The following SYNE2 variants were observed in gnomAD, a reference collection of about 807,000 sequenced individuals.
The protein encoded by SYNE2 is spectrin repeat containing nuclear envelope protein 2.
A neutral mutation model predicts 856.3 loss-of-function variants in SYNE2; 431 were observed. That is an observed-to-expected ratio of 0.50 (90% CI 0.47 to 0.55). SYNE2 has a LOEUF of 0.55. SYNE2 is among the 20% of genes least tolerant of loss of function. SYNE2 has a pLI of 0.00. For missense variants in SYNE2, 8,129 were observed against 8,023.2 expected, an observed-to-expected ratio of 1.01 and a Z score of -0.50; for synonymous variants, 2,923 against 2,872.3, an observed-to-expected ratio of 1.02 and a Z score of -0.56.
chr14:64,047,511 G>A (rs2097194912), intron 45 of SYNE2, among the ~76,000 whole-genome samples: 1 of 152,156 alleles, frequency 6.6e-6, no homozygotes. Context: ...AACTGTCTTT[G>A]GCATGGAGGT....
At chr14:63,829,454 C>T (rs750704384) in intron 1 of SYNE2, among the ~76,000 whole-genome samples, 11 of 151,890 alleles carry the variant, frequency 7.2e-5, no homozygotes, top group Non-Finnish European at 1.2e-4. Context: ...AAAAGTCTAG[C>T]GTTTCTTCTT....
intron 30 of SYNE2, among the ~76,000 whole-genome samples, chr14:64,004,928 G>T (rs2096784717): frequency 6.6e-6 from 1 of 152,218 alleles, no homozygotes; most frequent in East Asian, 1.9e-4. Context: ...GGAGGGGATT[G>T]CTATTGAACA....
chr14:64,019,902 A>C (rs1163013622), intron 34 of SYNE2, 90 bp from the exon 35 acceptor site: 8 of 874,266 alleles, frequency 9.2e-6, no homozygotes, highest in Non-Finnish European at 1.5e-5. Context: ...GGGCTCTCTC[A>C]GTTTCTATAT....
rs765451422 is a variant in SYNE2 at position 63,960,773 on chromosome 14, G to A, written c.788-752G>A. 5 of 763,880 alleles carry A rather than the reference G, an allele frequency of 6.5e-6. No homozygotes were observed. In the East Asian group the frequency reaches 9.7e-5, roughly 15 times the overall value. 47.3% of individuals were successfully genotyped at this position (763,880 alleles called of 1,614,324 possible). ...GTTCTGCACTTTACAGAATTTATAT[G>A]CCTGGCACAGTGTCTTGTGCCAGCT... On this transcript the variant is annotated intron_variant, in intron 8 of 115. Coordinates refer to ENST00000555002, the MANE Select transcript of SYNE2 (RefSeq NM_182914.3).
intron 96 of SYNE2, among the ~76,000 whole-genome samples, chr14:64,185,544 G>A (rs1322936775): frequency 1.0e-4 from 14 of 134,934 alleles, no homozygotes; most frequent in Non-Finnish European, 1.7e-4. Flanking sequence ...TTTTTGAGGT[G>A]GAGTCTCACT....
chr14:64,122,434 C>A lies in SYNE2; in HGVS notation c.13422+7C>A, dbSNP rs753025370. ...TCAGCTTGTGGAGCCTCAGGTCAGTCTGTATCTACATGGTGCAAATAGCCT... is the reference window on the plus strand; with the variant it reads ...TCAGCTTGTGGAGCCTCAGGTCAGTATGTATCTACATGGTGCAAATAGCCT... On this transcript the variant is annotated splice_region_variant and intron_variant, in intron 70 of 115. Coordinates refer to ENST00000555002, the MANE Select transcript of SYNE2 (RefSeq NM_182914.3). 5 of 1,614,176 alleles carry A rather than the reference C, an allele frequency of 3.1e-6. No homozygotes were observed. The highest frequency in any genetic ancestry group is 4.2e-6 in the Non-Finnish European group (5 of 1,180,030).
In SYNE2 at chr14:63,865,714, A is replaced by G. The variant is rs58432462; in HGVS notation, c.-52+12571A>G. 1.1e-3 allele frequency among the ~76,000 whole-genome samples: 50 copies of G among 47,540 alleles called. 2 individuals are homozygous for G. The highest frequency in any genetic ancestry group is 3.3e-3 in the Admixed American group (12 of 3,664). The allele number at this position is 47,540 out of a possible 152,430, so 31.2% of individuals were successfully genotyped here. ...GCAACAAGAGCAAAACTCTGTACCCACCCCCCCCCCAAAAAAAAAGAAAAG... is the reference window on the plus strand; with the variant it reads ...GCAACAAGAGCAAAACTCTGTACCCGCCCCCCCCCCAAAAAAAAAGAAAAG... On this transcript the variant is annotated intron_variant, in intron 1 of 115. Coordinates refer to ENST00000555002, the MANE Select transcript of SYNE2 (RefSeq NM_182914.3).
chr14:63,854,178 T>TG (rs1566616608), intron 1 of SYNE2, among the ~76,000 whole-genome samples: 2 of 151,660 alleles, frequency 1.3e-5, no homozygotes. Flanking sequence ...TTTTTTTTTT[T>TG]TGAGTTTGTT....
chr14:63,990,734 TATAAGTATC>T (rs1166373870), intron 20 of SYNE2, among the ~76,000 whole-genome samples, 165 bp downstream of exon 20: 3 of 152,196 alleles, frequency 2.0e-5, no homozygotes, highest in Non-Finnish European at 4.4e-5. Flanking sequence ...TATCAGAAAA[TATAAGTATC>T]ATAAGTATCA....
chr14:63,926,728 G>C (rs2095670789), intron 2 of SYNE2, among the ~76,000 whole-genome samples: 1 of 152,230 alleles, frequency 6.6e-6, no homozygotes, highest in African/African-American at 2.4e-5. Flanking sequence ...GAGGCACACA[G>C]CTAGTAAGTG....
intron 93 of SYNE2, among the ~76,000 whole-genome samples, chr14:64,169,790 C>T (rs2098401802): frequency 6.6e-6 from 1 of 152,140 alleles, no homozygotes; most frequent in South Asian, 2.1e-4. Flanking sequence ...TATTATTTAT[C>T]CAGAAAAGAA....
chr14:63,958,555 A>C (rs1236299904), intron 8 of SYNE2, among the ~76,000 whole-genome samples: 1 of 152,152 alleles, frequency 6.6e-6, no homozygotes, highest in African/African-American at 2.4e-5. Flanking sequence ...ATGATTTATT[A>C]CTGTCAATGC....
chr14:64,059,575 A>G (rs2097300166), intron 49 of SYNE2, among the ~76,000 whole-genome samples: 1 of 152,196 alleles, frequency 6.6e-6, no homozygotes, highest in East Asian at 1.9e-4. Context: ...TGACACAAGC[A>G]CCCTTGTGGC....
intron 64 of SYNE2, among the ~76,000 whole-genome samples, chr14:64,104,328 C>T (rs545958585): frequency 1.3e-5 from 2 of 152,080 alleles, no homozygotes; most frequent in African/African-American, 4.8e-5. Context: ...TTCTGTTCTT[C>T]CCTGTCCCTT....
At chr14:63,958,808 C>T (rs1566910754) in intron 8 of SYNE2, among the ~76,000 whole-genome samples, 1 of 152,162 alleles carries the variant, frequency 6.6e-6, no homozygotes, top group Non-Finnish European at 1.5e-5. Flanking sequence ...TTATTTCTAT[C>T]AGTATGGACT....
intron 6 of SYNE2, among the ~76,000 whole-genome samples, chr14:63,944,278 T>TTATATATATATATATA (rs71123818): frequency 1.5e-3 from 216 of 143,958 alleles, no homozygotes; most frequent in African/African-American, 5.3e-3. Context: ...TTCTGAATTT[T>TTATATATATATATATA]TATATATATA....
Position 64,223,253 on chromosome 14 carries a change from G to T in SYNE2, c.20255G>T (p.Ser6752Ile). Residue 6752 changes from serine to isoleucine, a missense_variant, in exon 113 of 116, where the codon AGC becomes ATC. Ser to Ile is a moderately radical substitution (Grantham distance 142). Around this residue, in one of 3 missense-constraint regions of SYNE2, gnomAD observed 5,410 missense variants for 5,284.8 expected, o/e 1.02. Transcript: ENST00000555002. ...QVDMLQEISN[S>I]LLIKGHGEDC... ...GACATGTTACAGGAGATTTCAAACA[G>T]CCTTCTCATTAAGGGACATGGAGAA... 1.2e-6 allele frequency: 2 copies of T among 1,614,180 alleles called. No homozygotes were observed. Among genetic ancestry groups the T allele is most frequent in the Non-Finnish European group, 1.7e-6 (2 of 1,180,022 alleles).
At chr14:64,022,697 C>A in intron 37 of SYNE2, 54 bp from the exon 38 acceptor site, 1 of 905,308 alleles carries the variant, frequency 1.1e-6, no homozygotes, top group Non-Finnish European at 1.8e-6. Context: ...CTCACTTTAA[C>A]AAGATGTATG....
chr14:64,225,252 C>T (rs1022156181), intron 115 of SYNE2, 67 bp from the exon 116 acceptor site: 2 of 1,611,588 alleles, frequency 1.2e-6, no homozygotes, highest in Admixed American at 1.7e-5. Flanking sequence ...TAAGCAGGGG[C>T]TTAGGTAATA....
Sources: gnomAD v4.1 joint callset for allele counts (sites outside exome capture counted in the v4.1 genomes callset) on GRCh38, gnomAD v4.1.1 for gene constraint, gnomAD v4.1.1 regional missense constraint, MANE v1.5 for transcripts, NCBI Gene and HGNC (gene_info 2026-07-23, HGNC 2026-07-21) for gene names.